Variants in MYL2 observed in about 807,000 individuals in gnomAD.
MYL2 encodes myosin light chain 2, also known as myosin regulatory light chain 2, ventricular/cardiac muscle isoform.
A neutral mutation model predicts 23.0 loss-of-function variants in MYL2; 19 were observed. The observed-to-expected ratio is 0.83, with a 90% CI of 0.58 to 1.21. The LOEUF (loss-of-function observed/expected upper bound fraction) is 1.21, where lower values mean the gene tolerates loss of function less well. Ranked by LOEUF, MYL2 falls within the 50% of genes most tolerant of loss-of-function variation. The probability of loss-of-function intolerance (pLI) is 0.00; values close to 1 mark genes in which losing one functional copy is unlikely to be tolerated. For missense variants in MYL2, 180 were observed against 215.1 expected (o/e 0.84, Z 1.02); for synonymous variants, 78 against 76.2 (o/e 1.02, Z -0.13).
chr12:110,920,674 A>G, upstream of MYL2: 2 of 1,180,534 alleles, frequency 1.7e-6, no homozygotes, highest in South Asian at 1.2e-5. Flanking sequence ...GGCGGGCACC[A>G]CCTAAGGCCC....
chr12:110,916,065 G>T (rs1324818398), intron 2 of MYL2, among the ~76,000 whole-genome samples: 4 of 152,262 alleles, frequency 2.6e-5, no homozygotes, highest in African/African-American at 9.6e-5. Context: ...GCTGGGCACA[G>T]TGGCTCACGC....
Position 110,913,153 on chromosome 12 carries a change from A to G in MYL2, c.354-9T>C. On this transcript the variant is annotated splice_polypyrimidine_tract_variant and intron_variant, in intron 5 of 6. Transcript: ENST00000228841. ...TCAGCATTTCCCGAACGCTGCAGAG[A>G]AAGGAAAGCAGGTGTTGGTGTCAGT... 1 of 1,614,188 alleles carries G rather than the reference A, an allele frequency of 6.2e-7. No individual in the cohort carries two copies. Among genetic ancestry groups the G allele is most frequent in the South Asian group, 1.1e-5 (1 of 91,074 alleles).
rs1351869857 is a variant in MYL2, at chr12:110,911,116, G to C, written c.462C>G (p.Asn154Lys). 6.2e-7 allele frequency: 1 copy of C among 1,613,456 alleles called. No homozygotes were observed. The highest frequency in any genetic ancestry group is 8.5e-7 in the Non-Finnish European group (1 of 1,179,680). ...PDVTGNLDYKNLVHIITHGEE... is the reference protein window; with the variant it reads ...PDVTGNLDYKKLVHIITHGEE... ...CTCCGTGGGTGATGATGTGCACCAG[G>C]TTCTTGTAGTCCAAGTTGCCAGTCA... The change falls in exon 7 of 7, where the codon AAC (asparagine) becomes AAG (lysine). Residue 154 changes from asparagine to lysine, a missense_variant. Asn to Lys is a moderately conservative substitution (Grantham distance 94, BLOSUM62 0). Coordinates refer to ENST00000228841, the MANE Select transcript of MYL2 (RefSeq NM_000432.4).
chr12:110,911,004 T>G lies in MYL2; in HGVS notation c.*73A>C. Reference sequence around the variant, plus strand: ...ACAGACAAGGTAGGGACAGAGGCGGTACTCGGGGGAGAGAGATGAGGGCAG... The same window carrying G: ...ACAGACAAGGTAGGGACAGAGGCGGGACTCGGGGGAGAGAGATGAGGGCAG... On this transcript the variant is annotated 3_prime_UTR_variant, in exon 7 of 7. Coordinates refer to ENST00000228841, the MANE Select transcript of MYL2 (RefSeq NM_000432.4). 7.6e-7 allele frequency: 1 copy of G among 1,307,890 alleles called. No individual in the cohort carries two copies. The allele number at this position is 1,307,890 out of a possible 1,614,324, so 81.0% of individuals were successfully genotyped here.
At chr12:110,916,423 A>C (rs2071688146) in intron 2 of MYL2, among the ~76,000 whole-genome samples, 1 of 152,230 alleles carries the variant, frequency 6.6e-6, no homozygotes, top group South Asian at 2.1e-4. Flanking sequence ...AATAACCTAC[A>C]TGTCCATCAA....
rs14881 is a variant in MYL2, at chr12:110,910,995, C to G, written c.*82G>C. The G allele has an allele frequency of 8.0e-7, 1 of 1,251,228 alleles. No homozygotes were observed. The highest frequency in any genetic ancestry group is 1.2e-6 in the Non-Finnish European group (1 of 851,190). 77.5% of individuals were successfully genotyped at this position (1,251,228 alleles called of 1,614,324 possible). A position where few individuals can be genotyped will look rare whatever the true frequency, so the allele number is the denominator to read the frequency against. ...ACATGGCTAACAGACAAGGTAGGGACAGAGGCGGTACTCGGGGGAGAGAGA... is the reference window on the plus strand; with the variant it reads ...ACATGGCTAACAGACAAGGTAGGGAGAGAGGCGGTACTCGGGGGAGAGAGA... On this transcript the variant is annotated 3_prime_UTR_variant, in exon 7 of 7. Transcript: ENST00000228841.
rs2071664458 is a variant in MYL2, at chr12:110,913,107, A to C, written c.391T>G (p.Ser131Ala). ...EMLTTQAERF[S>A]KEEVDQMFAA... is the part of the protein sequence containing the mutation. ...AAGGACCCCATTACCTCCTCCTTGGAAAACCTCTCCGCCTGCGTGGTCAGC... is the reference window on the plus strand; with the variant it reads ...AAGGACCCCATTACCTCCTCCTTGGCAAACCTCTCCGCCTGCGTGGTCAGC... The change falls in exon 6 of 7, where the codon TCC (serine) becomes GCC (alanine). Residue 131 changes from serine (S) to alanine (A), a missense_variant. Ser to Ala is a moderately conservative substitution (Grantham distance 99). Coordinates refer to ENST00000228841, the MANE Select transcript of MYL2 (RefSeq NM_000432.4). 6.2e-7 allele frequency: 1 copy of C among 1,614,078 alleles called. No individual in the cohort carries two copies. Among genetic ancestry groups the C allele is most frequent in the African/African-American group, 1.3e-5 (1 of 74,918 alleles).
At position 110,918,163 on chromosome 12, in the gene MYL2, G is replaced by C. The variant is rs1262583670; in HGVS notation, c.93+941C>G. Among the ~76,000 whole-genome samples, 1 of 152,166 alleles carries C rather than the reference G, an allele frequency of 6.6e-6. No individual in the cohort carries two copies. Among genetic ancestry groups the C allele is most frequent in the Non-Finnish European group, 1.5e-5 (1 of 68,038 alleles). ...CTCTGGAAAGCCAGGTGGGAATGTG[G>C]ATGAGTCAGTGTGAGCCCTCGCAAC... On this transcript the variant is annotated intron_variant, in intron 2 of 6. Coordinates refer to ENST00000228841, the MANE Select transcript of MYL2 (RefSeq NM_000432.4). The surrounding 1 kb of genome is among the most constrained non-coding windows in gnomAD (Gnocchi z 4.4).
At position 110,914,292 on chromosome 12, in the gene MYL2, T is replaced by A. The variant is rs112397252; in HGVS notation, c.170-2A>T. ...CTTCATTTTTCACGTTCACTCGCCC[T>A]AGGGTAGGAAACACACACTCAGGGA... On this transcript the variant is annotated splice_acceptor_variant, in intron 3 of 6. Coordinates refer to ENST00000228841, the MANE Select transcript of MYL2 (RefSeq NM_000432.4). LOFTEE classifies it high-confidence loss of function. 2 of 1,611,936 alleles carry A rather than the reference T, an allele frequency of 1.2e-6. No individual in the cohort carries two copies. Among genetic ancestry groups the A allele is most frequent in the Non-Finnish European group, 1.7e-6 (2 of 1,178,078 alleles).
At chr12:110,917,583 G>T (rs1243277958) in intron 2 of MYL2, among the ~76,000 whole-genome samples, 1 of 152,164 alleles carries the variant, frequency 6.6e-6, no homozygotes, top group African/African-American at 2.4e-5. Flanking sequence ...CCACACCGCC[G>T]GCAGCTGATG....
intron 3 of MYL2, among the ~76,000 whole-genome samples, chr12:110,914,840 T>A (rs2071678699): frequency 6.6e-6 from 1 of 152,164 alleles, no homozygotes; most frequent in Admixed American, 6.6e-5. Context: ...TTTAAAATAG[T>A]GTCTTCAGAA....
At chr12:110,913,408 G>C (rs2071667926) in intron 4 of MYL2, 84 bp from the exon 5 acceptor site, 2 of 1,397,554 alleles carry the variant, frequency 1.4e-6, no homozygotes, top group Non-Finnish European at 2.0e-6. Context: ...AGTTCCCCCA[G>C]AGATGAAGGG....
chr12:110,912,251 A>G (rs1417912671), intron 6 of MYL2, among the ~76,000 whole-genome samples: 5 of 152,178 alleles, frequency 3.3e-5, no homozygotes, highest in Admixed American at 2.6e-4. Context: ...TTGGCAAATT[A>G]GCAAAAGTGC....
intron 3 of MYL2, among the ~76,000 whole-genome samples, chr12:110,914,802 G>A (rs975120318): frequency 7.2e-5 from 11 of 152,170 alleles, no homozygotes; most frequent in African/African-American, 2.7e-4. Context: ...TTACAGGTGT[G>A]AGCCACCATG....
Position 110,914,269 on chromosome 12 carries a change from T to C in MYL2, c.191A>G (p.Glu64Gly). Residue 64 changes from glutamate to glycine, a missense_variant, in exon 4 of 7, where the codon GAA becomes GGA. Physicochemically the swap from Glu to Gly is moderately conservative, Grantham distance 98. Coordinates refer to ENST00000228841, the MANE Select transcript of MYL2 (RefSeq NM_000432.4). ...AALGRVNVKN[E>G]EIDEMIKEAP... ...CTCCTTGATCATTTCATCAATTTCT[T>C]CATTTTTCACGTTCACTCGCCCTAG... The C allele has an allele frequency of 6.2e-7, 1 of 1,614,006 alleles. No individual in the cohort carries two copies. The highest frequency in any genetic ancestry group is 8.5e-7 in the Non-Finnish European group (1 of 1,179,956).
chr12:110,914,374 C>G (rs779895985), intron 3 of MYL2, 84 bp from the exon 4 acceptor site: 1 of 924,624 alleles, frequency 1.1e-6, no homozygotes, highest in Non-Finnish European at 1.8e-6. Context: ...TGGGATTCCA[C>G]TTCAAGAAAT....
upstream of MYL2, chr12:110,920,643 G>C (rs766579524): frequency 3.9e-6 from 6 of 1,531,910 alleles, no homozygotes; most frequent in Non-Finnish European, 5.4e-6. Flanking sequence ...CCCCATGACC[G>C]CTTTTGGCAG....
intron 6 of MYL2, among the ~76,000 whole-genome samples, 174 bp from the exon 7 acceptor site, chr12:110,911,349 C>T (rs1027861083): frequency 2.0e-5 from 3 of 152,064 alleles, no homozygotes; most frequent in Admixed American, 2.0e-4. Context: ...AGGGCCCCCT[C>T]GCCCAAGGTC....
At chr12:110,911,582 C>T (rs2136768599) in intron 6 of MYL2, among the ~76,000 whole-genome samples, 1 of 152,300 alleles carries the variant, frequency 6.6e-6, no homozygotes, top group East Asian at 1.9e-4. Flanking sequence ...CTTGCCCTTC[C>T]CTGTTCTTCC....
Sources: gnomAD v4.1 joint callset for allele counts (sites outside exome capture counted in the v4.1 genomes callset) on GRCh38, gnomAD v4.1.1 for gene constraint, Gnocchi (gnomAD v3.1) non-coding constraint, MANE v1.5 for transcripts, NCBI Gene and HGNC (gene_info 2026-07-23, HGNC 2026-07-21) for gene names.